DRC11: variants seen among roughly 807,000 people sequenced by gnomAD.
DRC11 encodes dynein regulatory complex subunit 11, also known as IQ and AAA domain-containing protein 1.
the DRC11 span, among the ~76,000 whole-genome samples, chr2:236,330,436 T>C: frequency 6.6e-6 from 1 of 152,242 alleles, no homozygotes; most frequent in Admixed American, 6.5e-5. The surrounding 1 kb of genome is among the most constrained non-coding windows in gnomAD (Gnocchi z 5.5). Flanking sequence ...TGCCAAGTTC[T>C]GTGCTAGACC....
At chr2:236,460,299 G>T in the DRC11 span, among the ~76,000 whole-genome samples, 2 of 151,332 alleles carry the variant, frequency 1.3e-5, no homozygotes, top group African/African-American at 4.9e-5. This position sits in a 1 kb window ranked among gnomAD's most constrained non-coding sequence, Gnocchi z 4.0. Context: ...CAAGGGACAG[G>T]CCGGTGAGGG....
the DRC11 span, among the ~76,000 whole-genome samples, chr2:236,337,176 C>G: frequency 2.6e-5 from 4 of 152,314 alleles, no homozygotes; most frequent in South Asian, 8.3e-4. This position sits in a 1 kb window ranked among gnomAD's most constrained non-coding sequence, Gnocchi z 4.9. Flanking sequence ...TCATGTGACT[C>G]TCACATCATG....
chr2:236,413,744 C>T, the DRC11 span, among the ~76,000 whole-genome samples: 2 of 152,158 alleles, frequency 1.3e-5, no homozygotes, highest in Non-Finnish European at 2.9e-5. This position sits in a 1 kb window ranked among gnomAD's most constrained non-coding sequence, Gnocchi z 4.0. Flanking sequence ...AGAGAAGACT[C>T]ATTAATGTTC....
At chr2:236,439,261 A>G in the DRC11 span, among the ~76,000 whole-genome samples, 10 of 152,202 alleles carry the variant, frequency 6.6e-5, no homozygotes, top group Non-Finnish European at 1.2e-4. Context: ...AACCCTTCAA[A>G]ACATTAATGA....
At chr2:236,491,310 T>C in the DRC11 span, among the ~76,000 whole-genome samples, 8 of 142,080 alleles carry the variant, frequency 5.6e-5, no homozygotes, top group South Asian at 2.3e-4. Context: ...AGGGGTCTTA[T>C]GAGACACCAA....
chr2:236,390,424 G>C, the DRC11 span, among the ~76,000 whole-genome samples: 11 of 152,126 alleles, frequency 7.2e-5, no homozygotes, highest in Non-Finnish European at 1.2e-4. The surrounding 1 kb of genome is among the most constrained non-coding windows in gnomAD (Gnocchi z 5.9). Flanking sequence ...CAGTGACTCT[G>C]TATCTTTTGA....
the DRC11 span, among the ~76,000 whole-genome samples, chr2:236,416,018 G>C: frequency 6.6e-6 from 1 of 152,018 alleles, no homozygotes; most frequent in Admixed American, 6.6e-5. Context: ...AGAACTTCTG[G>C]GGTATAGGCA....
chr2:236,447,572 A>G, the DRC11 span, among the ~76,000 whole-genome samples: 452 of 152,236 alleles, frequency 3.0e-3, 12 homozygotes, highest in African/African-American at 0.011. This position sits in a 1 kb window ranked among gnomAD's most constrained non-coding sequence, Gnocchi z 4.6. Flanking sequence ...TAGGTGACCA[A>G]ATGTTGACTA....
the DRC11 span, among the ~76,000 whole-genome samples, chr2:236,329,328 C>T: frequency 6.6e-6 from 1 of 152,200 alleles, no homozygotes; most frequent in Non-Finnish European, 1.5e-5. Context: ...CATTATCCGG[C>T]CTACCATGCC....
chr2:236,328,970 G>A, the DRC11 span, among the ~76,000 whole-genome samples: 12 of 152,214 alleles, frequency 7.9e-5, no homozygotes, highest in African/African-American at 1.9e-4. The surrounding 1 kb of genome is among the most constrained non-coding windows in gnomAD (Gnocchi z 6.7). Context: ...CTGCAGTGCT[G>A]TGTCCCTTTC....
At chr2:236,330,609 T>C in the DRC11 span, among the ~76,000 whole-genome samples, 2 of 152,200 alleles carry the variant, frequency 1.3e-5, no homozygotes, top group African/African-American at 2.4e-5. The surrounding 1 kb of genome is among the most constrained non-coding windows in gnomAD (Gnocchi z 5.5). Context: ...AGAGATAGGC[T>C]TGGATGGGAA....
chr2:236,411,349 C>T, the DRC11 span, among the ~76,000 whole-genome samples: 5 of 150,818 alleles, frequency 3.3e-5, no homozygotes, highest in East Asian at 8.1e-4. Flanking sequence ...CAATGAGATA[C>T]CATCTCACAC....
the DRC11 span, chr2:236,454,615 T>G: frequency 6.6e-6 from 1 of 152,214 alleles, no homozygotes; most frequent in Admixed American, 6.5e-5. This position sits in a 1 kb window ranked among gnomAD's most constrained non-coding sequence, Gnocchi z 5.3. Flanking sequence ...AAAACCTCTT[T>G]TTTCATGCTG....
the DRC11 span, chr2:236,333,452 G>A: frequency 1.6e-3 from 238 of 153,408 alleles, no homozygotes; most frequent in Non-Finnish European, 2.7e-3. This position sits in a 1 kb window ranked among gnomAD's most constrained non-coding sequence, Gnocchi z 6.0. Flanking sequence ...TGTGTCTTCC[G>A]TCCAAATTTA....
At chr2:236,357,937 AATATATAATATATAAAT>A in the DRC11 span, among the ~76,000 whole-genome samples, 1 of 114,476 alleles carries the variant, frequency 8.7e-6, no homozygotes, top group African/African-American at 3.9e-5. Context: ...TTCATATATG[AATATATAATATATAAAT>A]ATATATAATA....
chr2:236,485,967 C>T, the DRC11 span, among the ~76,000 whole-genome samples: 2 of 152,204 alleles, frequency 1.3e-5, no homozygotes, highest in Admixed American at 6.5e-5. Flanking sequence ...ATACCTTCCC[C>T]TTGAGTGTGG....
the DRC11 span, chr2:236,391,429 G>T: frequency 1.9e-5 from 3 of 154,360 alleles, no homozygotes; most frequent in African/African-American, 4.8e-5. This position sits in a 1 kb window ranked among gnomAD's most constrained non-coding sequence, Gnocchi z 4.5. Flanking sequence ...TCTACCTTGG[G>T]TATTCTGGCT....
At chr2:236,502,548 C>CAAAAA in the DRC11 span, among the ~76,000 whole-genome samples, 126 of 15,084 alleles carry the variant, frequency 8.4e-3, 17 homozygotes, top group African/African-American at 0.01. Context: ...TGCACTCCAG[C>CAAAAA]AAAAAAAAAA....
At chr2:236,500,858 C>T in the DRC11 span, among the ~76,000 whole-genome samples, 16,371 of 151,980 alleles carry the variant, frequency 0.11, 2,887 homozygotes, top group African/African-American at 0.37. This position sits in a 1 kb window ranked among gnomAD's most constrained non-coding sequence, Gnocchi z 6.3. Flanking sequence ...ACCACCATGC[C>T]CAGCTAATTT....
Sources: allele counts gnomAD v4.1 joint callset (sites outside exome capture counted in the v4.1 genomes callset), GRCh38; gene constraint gnomAD v4.1.1; non-coding constraint Gnocchi (gnomAD v3.1); transcripts MANE v1.5; gene names NCBI Gene and HGNC (gene_info 2026-07-23, HGNC 2026-07-21).